CDH18: variants seen among roughly 807,000 people sequenced by gnomAD.
CDH18 encodes cadherin 18, also known as cadherin-18.
A neutral mutation model predicts 67.9 loss-of-function variants in CDH18; 31 were observed. The ratio of observed to expected loss-of-function variants is 0.46; its 90% CI spans 0.34 to 0.62. CDH18 has a LOEUF of 0.62. Ranked by LOEUF, CDH18 falls within the 20% of genes least tolerant of loss-of-function variation. CDH18 has a pLI of 0.01. For synonymous variants in CDH18, 362 were observed against 347.2 expected (o/e 1.04, Z -0.48); for missense variants, 890 against 975.5 (o/e 0.91, Z 1.17).
intron 2 of CDH18, among the ~76,000 whole-genome samples, chr5:19,920,988 T>C (rs1304973503): frequency 2.6e-5 from 4 of 151,320 alleles, no homozygotes; most frequent in Admixed American, 1.3e-4. Flanking sequence ...AGATGAGTCA[T>C]TTAAAAAATA....
At chr5:19,662,733 T>C (rs1435237409) in intron 5 of CDH18, among the ~76,000 whole-genome samples, 1 of 152,038 alleles carries the variant, frequency 6.6e-6, no homozygotes, top group East Asian at 1.9e-4. Context: ...TCATGACTTG[T>C]ATAGTGTGTG....
At chr5:19,725,527 TG>T (rs1026093162) in intron 4 of CDH18, among the ~76,000 whole-genome samples, 1 of 151,976 alleles carries the variant, frequency 6.6e-6, no homozygotes, top group African/African-American at 2.4e-5. Flanking sequence ...CCCAGCAATT[TG>T]GGAGGCCGAG....
chr5:19,634,392 G>C (rs10941394), intron 5 of CDH18, among the ~76,000 whole-genome samples: 109,651 of 151,948 alleles, frequency 0.72, 40,020 homozygotes, highest in South Asian at 0.79. Flanking sequence ...ACTCTATGGC[G>C]TTATGGAAAT....
intron 1 of CDH18, among the ~76,000 whole-genome samples, chr5:20,520,604 T>C (rs1755688817): frequency 6.6e-6 from 1 of 152,158 alleles, no homozygotes; most frequent in Admixed American, 6.6e-5. Flanking sequence ...AGGCCCTATA[T>C]ATTTAAATAA....
chr5:19,835,560 GTTAAA>G (rs200296749), intron 3 of CDH18, among the ~76,000 whole-genome samples: 2,416 of 152,120 alleles, frequency 0.016, 72 homozygotes, highest in African/African-American at 0.055. Context: ...TAAATGTGAG[GTTAAA>G]TTAATTTTCT....
intron 3 of CDH18, among the ~76,000 whole-genome samples, chr5:19,763,213 G>C (rs1018933000): frequency 1.3e-5 from 2 of 152,168 alleles, no homozygotes; most frequent in South Asian, 4.1e-4. Context: ...AAACCTGCAC[G>C]TTGTGCACAT....
At chr5:20,429,745 T>G (rs995216952) in intron 1 of CDH18, among the ~76,000 whole-genome samples, 1 of 152,170 alleles carries the variant, frequency 6.6e-6, no homozygotes, top group Admixed American at 6.6e-5. Flanking sequence ...AATGTGATAT[T>G]CAAACATTAA....
intron 1 of CDH18, among the ~76,000 whole-genome samples, chr5:20,498,607 TATATAA>T (rs1489872540): frequency 6.6e-5 from 10 of 152,170 alleles, no homozygotes; most frequent in African/African-American, 1.9e-4. Flanking sequence ...ATTGTATCAC[TATATAA>T]ATATAATGTT....
chr5:19,858,611 G>A (rs1346467753), intron 2 of CDH18, among the ~76,000 whole-genome samples: 1 of 152,158 alleles, frequency 6.6e-6, no homozygotes, highest in East Asian at 1.9e-4. Flanking sequence ...AGTCTATGCT[G>A]TGAGAAAGTG....
chr5:20,091,437 G>A (rs924927068), intron 2 of CDH18, among the ~76,000 whole-genome samples: 4 of 152,166 alleles, frequency 2.6e-5, no homozygotes, highest in Admixed American at 6.5e-5. Context: ...GCTGCAGCGA[G>A]CCATAATTGG....
intron 3 of CDH18, among the ~76,000 whole-genome samples, chr5:19,755,878 A>G (rs1771538579): frequency 6.6e-6 from 1 of 152,010 alleles, no homozygotes; most frequent in Non-Finnish European, 1.5e-5. Flanking sequence ...GACAGTGTCC[A>G]CCAGATTAAG....
Position 20,012,397 on chromosome 5 carries a change from G to T in CDH18, c.-517-20383C>A, listed in dbSNP as rs1241488366. ...CAAAAAAAAAAAAAAAAAAACACCA[G>T]CTCCTGGATTTGTTGATCTTTGAAT... On this transcript the variant is annotated intron_variant, in intron 2 of 14. Coordinates refer to the CDH18 transcript ENST00000507958. 2.2e-5 allele frequency among the ~76,000 whole-genome samples: 3 copies of T among 135,588 alleles called. No homozygotes were observed. The South Asian group carries it at 7.2e-4, about 32-fold the overall frequency. 89.0% of individuals were successfully genotyped at this position (135,588 alleles called of 152,430 possible).
At chr5:19,499,348 T>C (rs1456348809) in intron 11 of CDH18, among the ~76,000 whole-genome samples, 1 of 152,170 alleles carries the variant, frequency 6.6e-6, no homozygotes, top group Non-Finnish European at 1.5e-5. Flanking sequence ...TAAATATTTA[T>C]ACAATTTTAT....
intron 1 of CDH18, among the ~76,000 whole-genome samples, chr5:20,361,846 A>G (rs558847617): frequency 6.6e-6 from 1 of 152,284 alleles, no homozygotes; most frequent in South Asian, 2.1e-4. Context: ...TTAAATAAGA[A>G]AAATTTTAAA....
chr5:19,770,945 A>T (rs1773660981), intron 3 of CDH18, among the ~76,000 whole-genome samples: 2 of 152,230 alleles, frequency 1.3e-5, no homozygotes, highest in Non-Finnish European at 2.9e-5. Context: ...AGAATTTATA[A>T]ACAGCACAAC....
At chr5:20,194,488 G>T (rs1054401216) in intron 2 of CDH18, among the ~76,000 whole-genome samples, 3 of 151,978 alleles carry the variant, frequency 2.0e-5, no homozygotes, top group Admixed American at 6.6e-5. Context: ...AGTTGTTGAT[G>T]AATCAAAAGC....
chr5:20,358,110 G>A (rs773252451), intron 1 of CDH18, among the ~76,000 whole-genome samples: 1 of 152,070 alleles, frequency 6.6e-6, no homozygotes, highest in Non-Finnish European at 1.5e-5. Context: ...CGTACACATT[G>A]ACATAAATAT....
At chr5:20,387,267 T>G (rs953330335) in intron 1 of CDH18, among the ~76,000 whole-genome samples, 1 of 152,206 alleles carries the variant, frequency 6.6e-6, no homozygotes, top group Non-Finnish European at 1.5e-5. Flanking sequence ...TAGTTCTCCT[T>G]GAAGAGGTCC....
At chr5:20,231,061 A>T (rs997054020) in intron 2 of CDH18, among the ~76,000 whole-genome samples, 1 of 152,224 alleles carries the variant, frequency 6.6e-6, no homozygotes, top group African/African-American at 2.4e-5. Flanking sequence ...ATTGGTAGGT[A>T]TGATAGTAAG....
Sources: allele counts gnomAD v4.1 joint callset (sites outside exome capture counted in the v4.1 genomes callset), GRCh38; gene constraint gnomAD v4.1.1; transcripts MANE v1.5; gene names NCBI Gene and HGNC (gene_info 2026-07-23, HGNC 2026-07-21).